Variants in RIPOR3 observed in about 807,000 individuals in gnomAD.
RIPOR3 encodes family with sequence similarity 65 member C.
A neutral mutation model predicts 114.3 loss-of-function variants in RIPOR3; 95 were observed. The observed-to-expected ratio is 0.83, with a 90% confidence interval of 0.70 to 0.99. RIPOR3 has a LOEUF of 0.99. Ranked by LOEUF, RIPOR3 falls within the 50% of genes least tolerant of loss-of-function variation. The probability of loss-of-function intolerance (pLI) is 0.00; values close to 1 mark genes in which losing one functional copy is unlikely to be tolerated. For missense variants in RIPOR3, 1,252 were observed against 1,266.9 expected (o/e 0.99, Z 0.18); for synonymous variants, 575 against 543.8 (o/e 1.06, Z -0.80).
chr20:50,634,554 G>A (rs1234008780), intron 1 of RIPOR3, among the ~76,000 whole-genome samples: 1 of 152,172 alleles, frequency 6.6e-6, no homozygotes, highest in East Asian at 1.9e-4. Context: ...CAGGTGCATG[G>A]AAGATTCATA....
chr20:50,644,207 T>C (rs891704628), intron 1 of RIPOR3, among the ~76,000 whole-genome samples: 2 of 152,074 alleles, frequency 1.3e-5, no homozygotes, highest in East Asian at 1.9e-4. Context: ...CCTGGCCTCA[T>C]GTAATCCTCC....
At position 50,611,284 on chromosome 20, in the gene RIPOR3, C is replaced by T. The variant is rs558606151; in HGVS notation, c.349-80G>A. On this transcript the variant is annotated intron_variant, in intron 4 of 21. Coordinates refer to ENST00000327979, the MANE Select transcript of RIPOR3 (RefSeq NM_001290268.2). ...CAAGGCCTATGAGGCTCTATGCTGGCGGCGCCTGAGCTCAGAGTCAGAGGA... is the reference window on the plus strand; with the variant it reads ...CAAGGCCTATGAGGCTCTATGCTGGTGGCGCCTGAGCTCAGAGTCAGAGGA... 292 of 1,590,642 alleles carry T rather than the reference C, an allele frequency of 1.8e-4. 3 individuals carry two copies. The South Asian group carries it at 2.6e-3, about 14-fold the overall frequency.
Position 50,691,345 on chromosome 20 carries a change from G to A in RIPOR3, c.-217C>T. 9.3e-6 allele frequency: 4 copies of A among 431,132 alleles called. No individual in the cohort carries two copies. Among genetic ancestry groups the A allele is most frequent in the South Asian group, 8.1e-5 (4 of 49,350 alleles). The allele number at this position is 431,132 out of a possible 1,614,324, so 26.7% of individuals were successfully genotyped here. On this transcript the variant is annotated 5_prime_UTR_variant, in exon 1 of 22. Transcript: ENST00000327979. ...CTGCTGCGCCCCGAGTCTTCCTTCT[G>A]GTGCAGGGAGGCCGGTGCCCTGCCG...
At chr20:50,680,836 T>G (rs967377141) in intron 1 of RIPOR3, among the ~76,000 whole-genome samples, 2 of 152,140 alleles carry the variant, frequency 1.3e-5, no homozygotes. Context: ...CAAGTGTGAG[T>G]GGCATTGATA....
At position 50,602,616 on chromosome 20, in the gene RIPOR3, G is replaced by C; in HGVS notation, c.1115C>G (p.Ala372Gly). The change falls in exon 13 of 22, where the codon GCC becomes GGC. Residue 372 changes from alanine to glycine, a missense_variant. Physicochemically the swap from Ala to Gly is moderately conservative, Grantham distance 60. Coordinates refer to ENST00000327979, the MANE Select transcript of RIPOR3 (RefSeq NM_001290268.2). This position sits in a 1 kb window ranked among gnomAD's most constrained non-coding sequence, Gnocchi z 4.3. Reference sequence around the variant, plus strand: ...GGCCCTTGGGCCACCCAGCAGCAAGGCCTGCTGTGTTGGCTGCTGTAGGAC... The same window carrying C: ...GGCCCTTGGGCCACCCAGCAGCAAGCCCTGCTGTGTTGGCTGCTGTAGGAC... Reference protein sequence around the residue: ...LSVLQQPTQQALLLGGPRATS... With the variant: ...LSVLQQPTQQGLLLGGPRATS... 2 of 1,509,314 alleles carry C rather than the reference G, an allele frequency of 1.3e-6. No homozygotes were observed. The highest frequency in any genetic ancestry group is 1.8e-6 in the Non-Finnish European group (2 of 1,129,602). 93.5% of individuals were successfully genotyped at this position (1,509,314 alleles called of 1,614,324 possible).
intron 2 of RIPOR3, among the ~76,000 whole-genome samples, chr20:50,627,759 C>G (rs62202775): frequency 6.6e-6 from 1 of 152,124 alleles, no homozygotes; most frequent in Non-Finnish European, 1.5e-5. Flanking sequence ...GAATCGAGAT[C>G]GCACCACTGC....
chr20:50,656,203 T>C (rs2085806752), intron 1 of RIPOR3, among the ~76,000 whole-genome samples: 1 of 151,760 alleles, frequency 6.6e-6, no homozygotes, highest in African/African-American at 2.4e-5. Context: ...AGACGGGGTT[T>C]CACCATGTTG....
chr20:50,624,242 G>C (rs1447337057), intron 2 of RIPOR3, among the ~76,000 whole-genome samples: 3 of 152,148 alleles, frequency 2.0e-5, no homozygotes, highest in Non-Finnish European at 4.4e-5. Context: ...TCTTGAACCG[G>C]GCCCTCCGCA....
At chr20:50,666,223 T>TTTTTTCTTTTTTCTTTTCTTTTC (rs2086229109) in intron 1 of RIPOR3, among the ~76,000 whole-genome samples, 1 of 105,010 alleles carries the variant, frequency 9.5e-6, no homozygotes, top group Non-Finnish European at 2.0e-5. Context: ...TTTTCTTTTC[T>TTTTTTCTTTTTTCTTTTCTTTTC]TTTTTGAGAC....
At chr20:50,608,247 G>A in intron 11 of RIPOR3, 142 bp downstream of exon 11, 1 of 1,145,322 alleles carries the variant, frequency 8.7e-7, no homozygotes, top group South Asian at 1.5e-5. Context: ...ACTGAGGGGT[G>A]GGAGTGAGGG....
At chr20:50,670,242 T>C (rs2086422600) in intron 1 of RIPOR3, among the ~76,000 whole-genome samples, 3 of 150,092 alleles carry the variant, frequency 2.0e-5, no homozygotes, top group Non-Finnish European at 3.0e-5. Context: ...GCCCAGAGCA[T>C]GAGTTTTACC....
At position 50,608,540 on chromosome 20, in the gene RIPOR3, G is replaced by A. The variant is rs746182744; in HGVS notation, c.811-6C>T. The A allele has an allele frequency of 2.5e-6, 4 of 1,613,732 alleles. No individual in the cohort carries two copies. The South Asian group carries it at 3.3e-5, about 13-fold the overall frequency. On this transcript the variant is annotated splice_polypyrimidine_tract_variant and splice_region_variant and intron_variant, in intron 10 of 21. Coordinates refer to ENST00000327979, the MANE Select transcript of RIPOR3 (RefSeq NM_001290268.2). Reference sequence around the variant, plus strand: ...AGGCCCCGCAACTCCGTCACCTGGGGGTGGGGGCTGGAGGGTGGTGTCTGA... The same window carrying A: ...AGGCCCCGCAACTCCGTCACCTGGGAGTGGGGGCTGGAGGGTGGTGTCTGA...
At chr20:50,660,992 C>G (rs1225033882) in intron 1 of RIPOR3, among the ~76,000 whole-genome samples, 1 of 151,670 alleles carries the variant, frequency 6.6e-6, no homozygotes, top group Non-Finnish European at 1.5e-5. Context: ...AATCCCAGCA[C>G]TTTGGGAGGC....
chr20:50,609,278 T>C lies in RIPOR3; in HGVS notation c.640+15A>G. On this transcript the variant is annotated intron_variant, in intron 8 of 21. Coordinates refer to ENST00000327979, the MANE Select transcript of RIPOR3 (RefSeq NM_001290268.2). Reference sequence around the variant, plus strand: ...TCCAGAAAGGCCTCCGCCCACCCCCTCTCAGCCCTGTTACCTTTCATCCTG... The same window carrying C: ...TCCAGAAAGGCCTCCGCCCACCCCCCCTCAGCCCTGTTACCTTTCATCCTG... 1.2e-6 allele frequency: 2 copies of C among 1,613,188 alleles called. No individual in the cohort carries two copies. Among genetic ancestry groups the C allele is most frequent in the East Asian group, 2.2e-5 (1 of 44,854 alleles).
chr20:50,673,653 A>T (rs527644596), intron 1 of RIPOR3, among the ~76,000 whole-genome samples: 8 of 152,164 alleles, frequency 5.3e-5, no homozygotes, highest in Non-Finnish European at 1.2e-4. Flanking sequence ...TCCAAGACAC[A>T]GGCGTGTTAA....
intron 1 of RIPOR3, among the ~76,000 whole-genome samples, chr20:50,634,657 G>A (rs866477229): frequency 3.0e-4 from 45 of 152,340 alleles, no homozygotes; most frequent in African/African-American, 7.9e-4. Flanking sequence ...GAAGGTGCTG[G>A]AATAATAACA....
chr20:50,594,822 G>A lies in RIPOR3; in HGVS notation c.2051-108C>T, dbSNP rs1027883417. On this transcript the variant is annotated intron_variant, in intron 16 of 21. Coordinates refer to ENST00000327979, the MANE Select transcript of RIPOR3 (RefSeq NM_001290268.2). Reference sequence around the variant, plus strand: ...CCTGAGGGGGTAGGGAGGAGGGGACGGTGTGGCTTGATGCGAGGTCCCTTC... The same window carrying A: ...CCTGAGGGGGTAGGGAGGAGGGGACAGTGTGGCTTGATGCGAGGTCCCTTC... 24 of 1,304,758 alleles carry A rather than the reference G, an allele frequency of 1.8e-5. 1 individual carries two copies. Among genetic ancestry groups the A allele is most frequent in the African/African-American group, 7.4e-5 (5 of 67,960 alleles). The allele number at this position is 1,304,758 out of a possible 1,614,324, so 80.8% of individuals were successfully genotyped here.
At position 50,597,623 on chromosome 20, in the gene RIPOR3, C is replaced by T. The variant is rs990054011; in HGVS notation, c.1747G>A (p.Ala583Thr). ...CCAAACAGGGACAGCTCATCCAGGG[C>T]GAAGTCGGCATTGAGGAAGGCGAAG... The part of the protein sequence containing the change: ...ESFAFLNADF[A>T]LDELSLFGGS... The change falls in exon 14 of 22, where the codon GCC (alanine) becomes ACC (threonine). Residue 583 changes from alanine (A) to threonine (T), a missense_variant. Ala to Thr is a moderately conservative substitution (Grantham distance 58). Transcript: ENST00000327979. The T allele has an allele frequency of 1.4e-5, 23 of 1,611,410 alleles. No individual in the cohort carries two copies. Among genetic ancestry groups the T allele is most frequent in the East Asian group, 4.5e-5 (2 of 44,778 alleles).
chr20:50,610,947 GGCCACCCACCTGCCCCGCTTGCCCCT>G, intron 5 of RIPOR3, 41 bp from the exon 6 acceptor site: 1 of 1,613,852 alleles, frequency 6.2e-7, no homozygotes, highest in Non-Finnish European at 8.5e-7. Context: ...AAGTTGCCTG[GGCCACCCACCTGCCCCGCTTGCCCCT>G]GCCACCCTCC....
Sources: allele counts gnomAD v4.1 joint callset (sites outside exome capture counted in the v4.1 genomes callset), GRCh38; gene constraint gnomAD v4.1.1; non-coding constraint Gnocchi (gnomAD v3.1); transcripts MANE v1.5; gene names NCBI Gene and HGNC (gene_info 2026-07-23, HGNC 2026-07-21).